Variants in SCCPDH observed in about 807,000 individuals in gnomAD.
The protein encoded by SCCPDH is saccharopine dehydrogenase (putative).
Under a neutral mutation model 51.5 loss-of-function variants are expected in SCCPDH, and 34 were observed. That is an observed-to-expected ratio of 0.66 (90% CI 0.50 to 0.88). SCCPDH has a LOEUF of 0.88. SCCPDH is among the 40% of genes least tolerant of loss of function. SCCPDH has a pLI of 0.00. For missense variants in SCCPDH, 464 were observed against 527.1 expected, an observed-to-expected ratio of 0.88 and a Z score of 1.17; for synonymous variants, 187 against 191.3, an observed-to-expected ratio of 0.98 and a Z score of 0.19.
chr1:246,734,140 A>G (rs2102981480), intron 2 of SCCPDH, among the ~76,000 whole-genome samples: 1 of 152,280 alleles, frequency 6.6e-6, no homozygotes, highest in East Asian at 1.9e-4. Flanking sequence ...ACCAGCATGC[A>G]ACCCAGGTGA....
At chr1:246,755,639 C>A in intron 5 of SCCPDH, 1 of 153,486 alleles carries the variant, frequency 6.5e-6, no homozygotes. Context: ...CTCCACCTTA[C>A]TCTGGTTTTG....
intron 5 of SCCPDH, among the ~76,000 whole-genome samples, chr1:246,754,099 C>CA (rs1252556112): frequency 2.6e-5 from 4 of 152,014 alleles, no homozygotes; most frequent in Non-Finnish European, 5.9e-5. Flanking sequence ...CCTTTAGCCC[C>CA]ACCTGCTGGA....
chr1:246,757,792 A>G (rs939058999), intron 5 of SCCPDH, among the ~76,000 whole-genome samples: 4 of 152,288 alleles, frequency 2.6e-5, no homozygotes, highest in African/African-American at 9.6e-5. Flanking sequence ...CAGTGTATGT[A>G]TGCATAAATG....
intron 10 of SCCPDH, among the ~76,000 whole-genome samples, chr1:246,765,289 G>A (rs1669071572): frequency 6.6e-6 from 1 of 152,284 alleles, no homozygotes; most frequent in East Asian, 1.9e-4. Context: ...TTTTTATTGA[G>A]ACGGGGTCTC....
At chr1:246,729,820 G>GT (rs1284364793) in intron 2 of SCCPDH, among the ~76,000 whole-genome samples, 13 of 151,608 alleles carry the variant, frequency 8.6e-5, no homozygotes, top group African/African-American at 3.1e-4. Flanking sequence ...AAAGACAGGT[G>GT]TAAGAAATTA....
At chr1:246,752,808 C>T (rs560110751) in intron 5 of SCCPDH, among the ~76,000 whole-genome samples, 2 of 152,174 alleles carry the variant, frequency 1.3e-5, no homozygotes, top group South Asian at 4.1e-4. Context: ...TAAGTTTGTT[C>T]CTGCCTCTGG....
chr1:246,761,417 T>G (rs1159812718), intron 9 of SCCPDH, among the ~76,000 whole-genome samples: 1 of 152,202 alleles, frequency 6.6e-6, no homozygotes, highest in Non-Finnish European at 1.5e-5. Context: ...AAACATAAAA[T>G]GTACCATCTT....
intron 11 of SCCPDH, 95 bp downstream of exon 11, chr1:246,766,234 A>G (rs1669085918): frequency 1.2e-6 from 1 of 860,528 alleles, no homozygotes; most frequent in Non-Finnish European, 1.9e-6. Context: ...GTTTGCATGT[A>G]AGCATTTATA....
intron 9 of SCCPDH, 143 bp from the exon 10 acceptor site, chr1:246,764,103 A>C: frequency 1.8e-6 from 1 of 552,190 alleles, no homozygotes; most frequent in Non-Finnish European, 3.2e-6. Context: ...TCCCTGCTTA[A>C]ATGATGACGG....
At chr1:246,764,405 G>T (rs1384220864) in intron 10 of SCCPDH, 48 bp downstream of exon 10, 1 of 1,037,834 alleles carries the variant, frequency 9.6e-7, no homozygotes, top group African/African-American at 1.6e-5. Flanking sequence ...ATACTCTTAA[G>T]CTATAAAGTA....
At chr1:246,744,941 C>A (rs1047008290) in intron 5 of SCCPDH, among the ~76,000 whole-genome samples, 2 of 152,136 alleles carry the variant, frequency 1.3e-5, no homozygotes, top group African/African-American at 2.4e-5. Flanking sequence ...AATATAATTT[C>A]TTTTAAAAAC....
At chr1:246,762,812 G>A (rs1669037333) in intron 9 of SCCPDH, among the ~76,000 whole-genome samples, 2 of 141,534 alleles carry the variant, frequency 1.4e-5, no homozygotes, top group Non-Finnish European at 3.0e-5. Context: ...CTGCACTCCA[G>A]CCTGGGCAAC....
Position 246,724,622 on chromosome 1 carries a change from C to T in SCCPDH, c.190+10C>T. On this transcript the variant is annotated intron_variant, in intron 1 of 11. Transcript: ENST00000366510. ...GCGGCCCTGAAGCTGGGTACAGCGG[C>T]GGGGCGGGACGGGGCTGCGCGGGCG... 6.9e-7 allele frequency: 1 copy of T among 1,455,712 alleles called. No homozygotes were observed. Among genetic ancestry groups the T allele is most frequent in the Non-Finnish European group, 9.0e-7 (1 of 1,114,742 alleles). 90.2% of individuals were successfully genotyped at this position (1,455,712 alleles called of 1,614,324 possible). A position where few individuals can be genotyped will look rare whatever the true frequency, so the allele number is the denominator to read the frequency against.
chr1:246,726,995 C>A lies in SCCPDH; in HGVS notation c.294C>A (p.Cys98Ter). The part of the protein sequence containing the change: ...MAKQATVVLN[C>*]VGPYRFYGEP... ...AACAGGCAACAGTTGTCCTCAATTG[C>A]GTAGGACCAGTAAGTAATCAACCCT... The change falls in exon 2 of 12, where the codon TGC (cysteine) becomes TGA (stop). Residue 98 changes from cysteine (C) to a stop codon, truncating the protein, a stop_gained. Transcript: ENST00000366510. LOFTEE classifies it high-confidence loss of function. The A allele has an allele frequency of 6.2e-7, 1 of 1,604,910 alleles. No individual in the cohort carries two copies. The highest frequency in any genetic ancestry group is 8.5e-7 in the Non-Finnish European group (1 of 1,171,612).
In SCCPDH at chr1:246,758,330, G is replaced by A. The variant is rs373469030; in HGVS notation, c.669G>A (p.Pro223=). ...ATGTATCAAATCTGAAACCTGTCCC[G>A]CTCATTGGTCCAAAATTGAAGAGAA... is the stretch of plus-strand genomic sequence containing the variant. ...LRNVSNLKPV[P]LIGPKLKRRW... Residue 223 remains proline (P), a synonymous_variant, in exon 6 of 12, where the codon CCG becomes CCA. Transcript: ENST00000366510. The A allele has an allele frequency of 1.2e-5, 20 of 1,605,200 alleles. No homozygotes were observed. The highest frequency in any genetic ancestry group is 1.7e-4 in the Middle Eastern group (1 of 6,060).
chr1:246,745,503 A>G (rs1300828208), intron 5 of SCCPDH, among the ~76,000 whole-genome samples: 1 of 152,216 alleles, frequency 6.6e-6, no homozygotes, highest in African/African-American at 2.4e-5. Flanking sequence ...GTAGGATTCT[A>G]AGAATGGCGA....
At chr1:246,728,672 A>AT (rs1668438680) in intron 2 of SCCPDH, among the ~76,000 whole-genome samples, 1 of 151,478 alleles carries the variant, frequency 6.6e-6, no homozygotes. Flanking sequence ...TTCTTATCTG[A>AT]TTTTATTTTT....
At chr1:246,755,398 C>A (rs1668915437) in intron 5 of SCCPDH, 1 of 152,190 alleles carries the variant, frequency 6.6e-6, no homozygotes, top group Non-Finnish European at 1.5e-5. Flanking sequence ...GAGATCAAGA[C>A]CTGTTATTAA....
chr1:246,761,520 C>T (rs1669013294), intron 9 of SCCPDH, among the ~76,000 whole-genome samples: 1 of 152,216 alleles, frequency 6.6e-6, no homozygotes, highest in African/African-American at 2.4e-5. Context: ...TCATCTTGCA[C>T]AACTGAAACT....
Sources: gnomAD v4.1 joint callset for allele counts (sites outside exome capture counted in the v4.1 genomes callset) on GRCh38, gnomAD v4.1.1 for gene constraint, MANE v1.5 for transcripts, NCBI Gene and HGNC (gene_info 2026-07-23, HGNC 2026-07-21) for gene names.